The following HEPH variants were observed in gnomAD, a reference collection of about 807,000 sequenced individuals.
HEPH encodes the protein hephaestin.
In HEPH, 69 loss-of-function variants were observed where a neutral mutation model predicts 80.8. The observed-to-expected ratio is 0.85, with a 90% confidence interval of 0.70 to 1.04. The LOEUF (loss-of-function observed/expected upper bound fraction) is 1.04, where lower values mean the gene tolerates loss of function less well. Among genes scored for constraint, HEPH ranks in the 50% least tolerant of loss-of-function variants. The pLI is 0.00. For synonymous variants in HEPH, 431 were observed against 322.8 expected (o/e 1.34, Z -3.60); for missense variants, 1,115 against 891.3 (o/e 1.25, Z -3.20).
chrX:66,177,539 G>C (rs1394150777), intron 4 of HEPH, among the ~76,000 whole-genome samples: 1 of 111,642 alleles, frequency 9.0e-6, no homozygotes, highest in East Asian at 2.8e-4. Context: ...TGAATCTTTT[G>C]TATTTCTGTG....
At chrX:66,262,497 C>A (rs1294632441) in intron 19 of HEPH, among the ~76,000 whole-genome samples, 1 of 111,560 alleles carries the variant, frequency 9.0e-6, no homozygotes, top group Non-Finnish European at 1.9e-5. Flanking sequence ...TTGAAATAGC[C>A]ACTCTGGGGG....
chrX:66,195,340 A>T, intron 9 of HEPH, 111 bp downstream of exon 9: 1 of 583,897 alleles, frequency 1.7e-6, no homozygotes, highest in South Asian at 9.6e-5. Context: ...TATTTGCCAT[A>T]TGTGGATGTT....
chrX:66,266,442 G>A lies in HEPH; in HGVS notation c.3247G>A (p.Val1083Met), dbSNP rs35700738. The change falls in exon 21 of 21, where the codon GTG (valine) becomes ATG (methionine). Residue 1083 changes from valine (V) to methionine (M), a missense_variant and splice_region_variant. Around this residue, in one of 3 missense-constraint regions of HEPH, gnomAD observed 716 missense variants for 523.5 expected, o/e 1.37. Transcript: ENST00000343002. Reference sequence around the variant, plus strand: ...CATTTTTTTTTTCTCCATTTCAGCAGTGCCCCCCAGAGACATTGAAGAAGG... The same window carrying A: ...CATTTTTTTTTTCTCCATTTCAGCAATGCCCCCCAGAGACATTGAAGAAGG... ...TVITKETEKA[V>M]PPRDIEEGNV... 3 of 1,200,328 alleles carry A rather than the reference G, an allele frequency of 2.5e-6. No individual in the cohort carries two copies. Among genetic ancestry groups the A allele is most frequent in the African/African-American group, 3.6e-5 (2 of 56,003 alleles).
chrX:66,209,015 AATTC>A (rs1216576773), intron 15 of HEPH, among the ~76,000 whole-genome samples: 6 of 110,976 alleles, frequency 5.4e-5, no homozygotes, highest in African/African-American at 2.0e-4. Context: ...CTCTTTTATT[AATTC>A]ATTCATTGAA....
intron 13 of HEPH, among the ~76,000 whole-genome samples, chrX:66,206,705 G>T (rs2088799890): frequency 9.1e-6 from 1 of 109,847 alleles, no homozygotes; most frequent in Non-Finnish European, 1.9e-5. Context: ...AGCCAATGTG[G>T]TGAGAAGTCT....
At chrX:66,177,764 G>A (rs1314471558) in intron 4 of HEPH, among the ~76,000 whole-genome samples, 1 of 110,446 alleles carries the variant, frequency 9.1e-6, no homozygotes, top group African/African-American at 3.3e-5. Flanking sequence ...CTAGGGTTTG[G>A]GTTTGGTTTG....
intron 19 of HEPH, 70 bp downstream of exon 19, chrX:66,260,332 C>CA: frequency 2.3e-6 from 2 of 888,379 alleles, no homozygotes; most frequent in Non-Finnish European, 3.2e-6. Context: ...CAGGTAATAC[C>CA]AAAAAGCCTC....
intron 15 of HEPH, among the ~76,000 whole-genome samples, chrX:66,231,187 G>A (rs1197887807): frequency 9.2e-6 from 1 of 109,240 alleles, no homozygotes; most frequent in Non-Finnish European, 1.9e-5. Context: ...TAGCCTTGTA[G>A]TATAGTTTGA....
chrX:66,194,416 G>A (rs751706308), intron 8 of HEPH, among the ~76,000 whole-genome samples: 1 of 111,272 alleles, frequency 9.0e-6, no homozygotes, highest in Admixed American at 9.6e-5. Flanking sequence ...ATTAGATGTG[G>A]AAATTGAATA....
At chrX:66,265,063 T>C (rs1002039142) in intron 20 of HEPH, among the ~76,000 whole-genome samples, 6 of 110,429 alleles carry the variant, frequency 5.4e-5, no homozygotes, top group Non-Finnish European at 7.6e-5. Flanking sequence ...TTGAAAATGA[T>C]TTGTTCAATG....
intron 9 of HEPH, among the ~76,000 whole-genome samples, chrX:66,196,681 C>G (rs1412030610): frequency 2.7e-5 from 3 of 111,875 alleles, no homozygotes; most frequent in Non-Finnish European, 5.6e-5. Context: ...AGGAGGACTC[C>G]TTTTCTTACA....
intron 4 of HEPH, among the ~76,000 whole-genome samples, chrX:66,178,869 C>T (rs917624643): frequency 2.7e-5 from 3 of 111,686 alleles, no homozygotes; most frequent in Non-Finnish European, 5.6e-5. Flanking sequence ...GAGTAGATTG[C>T]AAAAATTTTT....
chrX:66,263,660 C>T lies in HEPH; in HGVS notation c.3216C>T (p.Leu1072=). 1 of 1,210,136 alleles carries T rather than the reference C, an allele frequency of 8.3e-7. No homozygotes were observed. Among genetic ancestry groups the T allele is most frequent in the Non-Finnish European group, 1.1e-6 (1 of 894,421 alleles). The change falls in exon 20 of 21, where the codon CTC becomes CTT. Residue 1072 remains leucine (L), a synonymous_variant. Transcript: ENST00000343002. ...VFSRTEHLSP[L]TVITKETEKA... is the part of the protein sequence containing the mutation. ...CCCAACCAGAACACTTAAGCCCTCT[C>T]ACCGTCATCACCAAAGAGACTGAAA... is the stretch of plus-strand genomic sequence containing the variant.
At chrX:66,179,809 A>G (rs1177430450) in intron 4 of HEPH, among the ~76,000 whole-genome samples, 1 of 111,703 alleles carries the variant, frequency 9.0e-6, no homozygotes. Context: ...TTTCTGTTGA[A>G]CAAGGCCTTT....
intron 1 of HEPH, among the ~76,000 whole-genome samples, chrX:66,168,495 G>A (rs1410769605): frequency 9.0e-6 from 1 of 111,635 alleles, no homozygotes; most frequent in African/African-American, 3.3e-5. Flanking sequence ...GTCAGTGGGA[G>A]AGCCAGGTTT....
intron 15 of HEPH, among the ~76,000 whole-genome samples, chrX:66,239,710 C>T (rs1266152316): frequency 2.7e-5 from 3 of 111,842 alleles, no homozygotes; most frequent in African/African-American, 9.7e-5. Context: ...GCAGAAAGGA[C>T]ACACTCTTCT....
chrX:66,222,236 G>A (rs1420601765), intron 15 of HEPH, among the ~76,000 whole-genome samples: 1 of 112,845 alleles, frequency 8.9e-6, no homozygotes, highest in African/African-American at 3.2e-5. Context: ...TGGCCCTTGG[G>A]GGCTGACCCG....
chrX:66,212,693 C>G (rs142990852), intron 15 of HEPH, among the ~76,000 whole-genome samples: 206 of 111,564 alleles, frequency 1.8e-3, no homozygotes, highest in African/African-American at 6.2e-3. Flanking sequence ...TATTTTTATA[C>G]CATGCTGTTT....
intron 7 of HEPH, among the ~76,000 whole-genome samples, chrX:66,192,635 A>T (rs915824943): frequency 1.8e-5 from 2 of 111,860 alleles, no homozygotes; most frequent in Admixed American, 9.5e-5. Context: ...CTTTTATTCC[A>T]GGTTTCTTCA....
Sources: gnomAD v4.1 joint callset for allele counts (sites outside exome capture counted in the v4.1 genomes callset) on GRCh38, gnomAD v4.1.1 for gene constraint, gnomAD v4.1.1 regional missense constraint, MANE v1.5 for transcripts, NCBI Gene and HGNC (gene_info 2026-07-23, HGNC 2026-07-21) for gene names.